Variants in PSMD11 observed in about 807,000 individuals in gnomAD.
PSMD11 encodes the protein proteasome 26S subunit, non-ATPase 11.
In PSMD11, 5 loss-of-function variants were observed where a neutral mutation model predicts 62.3. That is an observed-to-expected ratio of 0.08 (90% CI 0.04 to 0.17). The LOEUF is 0.17. PSMD11 is among the 10% of genes least tolerant of loss of function. The pLI is 1.00. For missense variants in PSMD11, 310 were observed against 512.9 expected (o/e 0.60, Z 3.82); for synonymous variants, 191 against 191.8 (o/e 1.00, Z 0.03).
At chr17:32,464,987 T>C (rs1907952254) in intron 5 of PSMD11, among the ~76,000 whole-genome samples, 1 of 152,108 alleles carries the variant, frequency 6.6e-6, no homozygotes, top group Admixed American at 6.6e-5. Context: ...ATTTTAAAAA[T>C]CAAGAAATTA....
intron 1 of PSMD11, 171 bp downstream of exon 1, chr17:32,444,785 C>G: frequency 1.4e-6 from 1 of 728,336 alleles, no homozygotes; most frequent in East Asian, 2.9e-5. Flanking sequence ...CCTCCCAGGT[C>G]TCACTCTTGT....
chr17:32,480,299 C>T (rs1908450739), intron 12 of PSMD11, 102 bp downstream of exon 12: 1 of 1,516,140 alleles, frequency 6.6e-7, no homozygotes, highest in Non-Finnish European at 9.1e-7. Context: ...CCCGATGGTT[C>T]ACCCTGGGGT....
rs145934668 is a variant in PSMD11 at position 32,472,599 on chromosome 17, G to A, written c.644-1202G>A. Reference sequence around the variant, plus strand: ...GTCGCCCAAGTTGGAGTGCTGTGGCGTGATCTCAGCTCACTGCAACCTCCA... The same window carrying A: ...GTCGCCCAAGTTGGAGTGCTGTGGCATGATCTCAGCTCACTGCAACCTCCA... On this transcript the variant is annotated intron_variant, in intron 6 of 13. Coordinates refer to ENST00000261712, the MANE Select transcript of PSMD11 (RefSeq NM_002815.4). Among the ~76,000 whole-genome samples, 933 of 150,332 alleles carry A rather than the reference G, an allele frequency of 6.2e-3. 11 individuals carry two copies. The highest frequency in any genetic ancestry group is 0.021 in the African/African-American group (855 of 40,844).
intron 5 of PSMD11, among the ~76,000 whole-genome samples, chr17:32,465,103 C>A (rs115178107): frequency 0.045 from 6,825 of 150,026 alleles, 191 homozygotes; most frequent in South Asian, 0.083. Context: ...TTTAATCTAT[C>A]TATCTATCTA....
In PSMD11 at chr17:32,480,202, G is replaced by T; in HGVS notation, c.1126+5G>T. The T allele has an allele frequency of 6.2e-7, 1 of 1,612,120 alleles. No homozygotes were observed. The highest frequency in any genetic ancestry group is 8.5e-7 in the Non-Finnish European group (1 of 1,178,146). The stretch of plus-strand genomic sequence containing the variant: ...TTCTTGACAAGAAATTTCATGGTAA[G>T]TAACAGTCACACAGGCAAGGGGGCT... On this transcript the variant is annotated splice_donor_5th_base_variant and intron_variant, in intron 12 of 13. Transcript: ENST00000261712.
chr17:32,452,348 A>G (rs1907530151), intron 2 of PSMD11, among the ~76,000 whole-genome samples: 1 of 152,204 alleles, frequency 6.6e-6, no homozygotes, highest in African/African-American at 2.4e-5. Context: ...TGAATTTACA[A>G]TGGGCTGAAT....
At chr17:32,454,729 C>A in intron 3 of PSMD11, 110 bp downstream of exon 3, 1 of 1,151,194 alleles carries the variant, frequency 8.7e-7, no homozygotes, top group Non-Finnish European at 1.2e-6. Context: ...ACTGGGAGGA[C>A]AGCGCAGGAC....
chr17:32,474,001 T>G, intron 7 of PSMD11, 56 bp downstream of exon 7: 9 of 1,597,138 alleles, frequency 5.6e-6, no homozygotes, highest in Non-Finnish European at 7.7e-6. Context: ...CAAGTCTGTT[T>G]GCCATGGCAG....
intron 6 of PSMD11, among the ~76,000 whole-genome samples, chr17:32,469,800 A>G (rs557832954): frequency 2.6e-4 from 40 of 152,226 alleles, no homozygotes; most frequent in African/African-American, 9.4e-4. Context: ...TCTGTAAAAG[A>G]TAATGCCTAC....
At chr17:32,448,812 T>C (rs985105844) in intron 2 of PSMD11, among the ~76,000 whole-genome samples, 2 of 152,236 alleles carry the variant, frequency 1.3e-5, no homozygotes, top group African/African-American at 4.8e-5. Flanking sequence ...CTCATTCAAC[T>C]AATAACTGGT....
intron 3 of PSMD11, 106 bp downstream of exon 3, chr17:32,454,725 A>G (rs1907600823): frequency 1.7e-6 from 2 of 1,146,140 alleles, no homozygotes; most frequent in South Asian, 1.5e-5. Flanking sequence ...GAAAACTGGG[A>G]GGACAGCGCA....
At chr17:32,447,868 AT>A (rs56928936) in intron 2 of PSMD11, among the ~76,000 whole-genome samples, 19,001 of 147,158 alleles carry the variant, frequency 0.13, 1,324 homozygotes, top group African/African-American at 0.16. Flanking sequence ...AGAACTAAAG[AT>A]TTTTTTTTTC....
intron 5 of PSMD11, among the ~76,000 whole-genome samples, chr17:32,467,878 C>A (rs1908043947): frequency 6.6e-6 from 1 of 152,112 alleles, no homozygotes; most frequent in African/African-American, 2.4e-5. Context: ...TTGCGTCATG[C>A]AGTTTGTTGT....
At chr17:32,444,921 T>G in intron 1 of PSMD11, 1 of 454,420 alleles carries the variant, frequency 2.2e-6, no homozygotes, top group East Asian at 4.5e-5. Context: ...TCCCCGGCTC[T>G]GGCCCGCACG....
intron 8 of PSMD11, 22 bp from the exon 9 acceptor site, chr17:32,477,499 T>C: frequency 6.3e-7 from 1 of 1,589,986 alleles, no homozygotes; most frequent in Admixed American, 1.8e-5. Context: ...ATCGCTTTCA[T>C]GGTTTGTCTC....
At chr17:32,463,674 A>G (rs1205407608) in intron 3 of PSMD11, among the ~76,000 whole-genome samples, 1 of 152,232 alleles carries the variant, frequency 6.6e-6, no homozygotes, top group African/African-American at 2.4e-5. Flanking sequence ...CCTGTGTATT[A>G]TACATTACCA....
At chr17:32,456,766 C>T (rs1907664660) in intron 3 of PSMD11, among the ~76,000 whole-genome samples, 2 of 152,194 alleles carry the variant, frequency 1.3e-5, no homozygotes, top group Non-Finnish European at 2.9e-5. Flanking sequence ...CTCCTGACCT[C>T]GTGATCTGCC....
At chr17:32,475,523 G>A (rs890322170) in intron 8 of PSMD11, among the ~76,000 whole-genome samples, 1 of 151,400 alleles carries the variant, frequency 6.6e-6, no homozygotes, top group African/African-American at 2.4e-5. Context: ...CTGATTGGCT[G>A]TCTATATAAT....
intron 2 of PSMD11, among the ~76,000 whole-genome samples, chr17:32,450,677 C>T (rs1907466612): frequency 6.6e-6 from 1 of 151,884 alleles, no homozygotes; most frequent in East Asian, 1.9e-4. Context: ...AAAATTAACT[C>T]AGTATGTATG....
Sources: gnomAD v4.1 joint callset for allele counts (sites outside exome capture counted in the v4.1 genomes callset) on GRCh38, gnomAD v4.1.1 for gene constraint, MANE v1.5 for transcripts, NCBI Gene and HGNC (gene_info 2026-07-23, HGNC 2026-07-21) for gene names.